PTPRD: variants seen among roughly 807,000 people sequenced by gnomAD.
PTPRD encodes the protein protein tyrosine phosphatase receptor type D, also known as receptor-type tyrosine-protein phosphatase delta.
A neutral mutation model predicts 214.5 loss-of-function variants in PTPRD; 34 were observed. The ratio of observed to expected loss-of-function variants is 0.16; its 90% CI spans 0.12 to 0.21. The LOEUF is 0.21. PTPRD is among the 10% of genes least tolerant of loss of function. The probability of loss-of-function intolerance (pLI) is 1.00; values close to 1 mark genes in which losing one functional copy is unlikely to be tolerated. For synonymous variants in PTPRD, 1,128 were observed against 845.7 expected (o/e 1.33, Z -5.79); for missense variants, 2,545 against 2,398.7 (o/e 1.06, Z -1.27).
chr9:10,300,670 C>T (rs1207675869), intron 3 of PTPRD, among the ~76,000 whole-genome samples: 1 of 152,174 alleles, frequency 6.6e-6, no homozygotes, highest in Non-Finnish European at 1.5e-5. Context: ...TGGGCTGAGC[C>T]TACTGCAGCT....
chr9:9,142,234 G>C (rs149880367), intron 10 of PTPRD, among the ~76,000 whole-genome samples: 1 of 152,158 alleles, frequency 6.6e-6, no homozygotes, highest in East Asian at 1.9e-4. Flanking sequence ...AGGTGTGCTG[G>C]CGCCATCTCC....
At chr9:9,338,049 A>T (rs1360644699) in intron 9 of PTPRD, among the ~76,000 whole-genome samples, 1 of 152,198 alleles carries the variant, frequency 6.6e-6, no homozygotes, top group Non-Finnish European at 1.5e-5. Context: ...TTTTTGTTTC[A>T]TGTACAAATT....
Position 9,972,149 on chromosome 9 carries a change from CA to C in PTPRD, c.-471-33540del, listed in dbSNP as rs572229663. Among the ~76,000 whole-genome samples, 360 of 152,202 alleles carry C rather than the reference CA, an allele frequency of 2.4e-3. 1 individual carries two copies. Among genetic ancestry groups the C allele is most frequent in the African/African-American group, 7.9e-3 (330 of 41,536 alleles). ...TTACGTAGAAATTGACAGTCAGAAA[CA>C]TGACTTTGAATTATGTTATAGCCCA... On this transcript the variant is annotated intron_variant, in intron 4 of 45. Coordinates refer to ENST00000381196, the MANE Select transcript of PTPRD (RefSeq NM_002839.4).
At chr9:9,431,772 A>G (rs2083236372) in intron 8 of PTPRD, among the ~76,000 whole-genome samples, 1 of 151,836 alleles carries the variant, frequency 6.6e-6, no homozygotes, top group Admixed American at 6.6e-5. Flanking sequence ...ATGAAGCTGG[A>G]AACCATCATT....
chr9:8,405,755 ATATACTC>A (rs1405396223), intron 35 of PTPRD, among the ~76,000 whole-genome samples: 2 of 152,136 alleles, frequency 1.3e-5, no homozygotes, highest in East Asian at 3.9e-4. Context: ...TTTTTTTAAA[ATATACTC>A]TATTATGTTA....
chr9:10,234,254 C>T (rs2099621870), intron 3 of PTPRD, among the ~76,000 whole-genome samples: 1 of 151,410 alleles, frequency 6.6e-6, no homozygotes, highest in Admixed American at 6.6e-5. Flanking sequence ...ATATGAAGAT[C>T]CCCTTCAATC....
intron 10 of PTPRD, among the ~76,000 whole-genome samples, chr9:9,161,424 A>G (rs190304651): frequency 6.2e-4 from 94 of 152,222 alleles, no homozygotes; most frequent in Non-Finnish European, 1.0e-3. Context: ...TTTTACTCAT[A>G]TTTTATTTGC....
intron 9 of PTPRD, among the ~76,000 whole-genome samples, chr9:9,338,866 T>C (rs768139234): frequency 1.8e-4 from 27 of 152,036 alleles, no homozygotes; most frequent in Non-Finnish European, 2.8e-4. Flanking sequence ...CGACAGGCCC[T>C]GGTGTGTGAT....
At chr9:10,360,202 G>C (rs2154466643) in intron 2 of PTPRD, among the ~76,000 whole-genome samples, 1 of 152,298 alleles carries the variant, frequency 6.6e-6, no homozygotes, top group South Asian at 2.1e-4. Context: ...TCTTGATTTG[G>C]ACACTATCAG....
At chr9:9,428,854 G>C (rs139872228) in intron 8 of PTPRD, among the ~76,000 whole-genome samples, 6,264 of 152,206 alleles carry the variant, frequency 0.041, 171 homozygotes, top group Middle Eastern at 0.12. Context: ...TTTGAAACCA[G>C]TGAAAACAAA....
At position 9,649,654 on chromosome 9, in the gene PTPRD, T is replaced by C. The variant is rs1484315625; in HGVS notation, c.-286-74873A>G. 3.4e-4 allele frequency among the ~76,000 whole-genome samples: 52 copies of C among 152,338 alleles called. 1 individual carries two copies. Among genetic ancestry groups the C allele is most frequent in the Non-Finnish European group, 7.3e-5 (5 of 68,034 alleles). Reference sequence around the variant, plus strand: ...TCAACGATCATATCTGAAATTCTCATAACTAGAGTCACTCATTTTGCACTC... The same window carrying C: ...TCAACGATCATATCTGAAATTCTCACAACTAGAGTCACTCATTTTGCACTC... On this transcript the variant is annotated intron_variant, in intron 7 of 45. Transcript: ENST00000381196.
chr9:10,418,533 A>G (rs1229560873), intron 2 of PTPRD, among the ~76,000 whole-genome samples: 1 of 150,428 alleles, frequency 6.6e-6, no homozygotes, highest in Admixed American at 6.7e-5. Flanking sequence ...TTTTCTCCAT[A>G]GCATTTATCA....
At chr9:8,786,769 G>T (rs1031261128) in intron 11 of PTPRD, among the ~76,000 whole-genome samples, 3 of 151,834 alleles carry the variant, frequency 2.0e-5, no homozygotes, top group African/African-American at 7.3e-5. Flanking sequence ...TGGGGGGGCG[G>T]GGGGCGAGGG....
chr9:9,827,251 A>C (rs1166226991), intron 5 of PTPRD, among the ~76,000 whole-genome samples: 3 of 152,186 alleles, frequency 2.0e-5, no homozygotes, highest in Non-Finnish European at 2.9e-5. Context: ...ACCTGACCTC[A>C]AACTATCCTA....
chr9:8,481,139 C>CAAAAAA (rs34451513), intron 30 of PTPRD, among the ~76,000 whole-genome samples: 2 of 39,454 alleles, frequency 5.1e-5, no homozygotes, highest in African/African-American at 1.0e-4. Flanking sequence ...GACTCCGTCT[C>CAAAAAA]AAAAAAAAAA....
At chr9:10,095,565 G>T (rs2098474887) in intron 3 of PTPRD, among the ~76,000 whole-genome samples, 1 of 151,434 alleles carries the variant, frequency 6.6e-6, no homozygotes, top group African/African-American at 2.4e-5. Flanking sequence ...CTATATACCA[G>T]ACAGCGTGAA....
chr9:8,426,805 T>G (rs1437090808), intron 35 of PTPRD, among the ~76,000 whole-genome samples: 2 of 151,982 alleles, frequency 1.3e-5, no homozygotes, highest in Non-Finnish European at 2.9e-5. Context: ...AGGTTTTTTT[T>G]TTTTTTTTAA....
At chr9:8,772,374 A>G (rs1003013567) in intron 11 of PTPRD, among the ~76,000 whole-genome samples, 1 of 125,920 alleles carries the variant, frequency 7.9e-6, no homozygotes, top group Non-Finnish European at 1.7e-5. Context: ...TTTTTAAAAC[A>G]TAAAGGAGCA....
rs1253748793 is a variant in PTPRD, at chr9:8,315,955, T to G, written c.*1919A>C. ...GGTAAGATACATATATATATATAGT[T>G]TATTTCCCCTTTTAGAAAAATCCTA... On this transcript the variant is annotated 3_prime_UTR_variant, in exon 46 of 46. Transcript: ENST00000381196. 4.5e-6 allele frequency: 1 copy of G among 224,306 alleles called. No individual in the cohort carries two copies. Among genetic ancestry groups the G allele is most frequent in the Non-Finnish European group, 8.8e-6 (1 of 113,112 alleles). The allele number at this position is 224,306 out of a possible 1,614,324, so 13.9% of individuals were successfully genotyped here.
Sources: allele counts gnomAD v4.1 joint callset (sites outside exome capture counted in the v4.1 genomes callset), GRCh38; gene constraint gnomAD v4.1.1; transcripts MANE v1.5; gene names NCBI Gene and HGNC (gene_info 2026-07-23, HGNC 2026-07-21).